Variants in IGFN1 observed in about 807,000 individuals in gnomAD.
IGFN1 encodes immunoglobulin-like and fibronectin type III domain-containing protein 1.
A neutral mutation model predicts 289.5 loss-of-function variants in IGFN1; 253 were observed. The observed-to-expected ratio is 0.87, with a 90% CI of 0.79 to 0.97. The LOEUF (loss-of-function observed/expected upper bound fraction) is 0.97, where lower values mean the gene tolerates loss of function less well. IGFN1 is among the 50% of genes least tolerant of loss of function. The pLI is 0.00. For synonymous variants in IGFN1, 1,706 were observed against 1,788.5 expected, an observed-to-expected ratio of 0.95 and a Z score of 1.16; for missense variants, 4,470 against 4,686.1, an observed-to-expected ratio of 0.95 and a Z score of 1.35.
intron 5 of IGFN1, among the ~76,000 whole-genome samples, chr1:201,198,784 G>A (rs1163537930): frequency 6.6e-6 from 1 of 152,188 alleles, no homozygotes; most frequent in Non-Finnish European, 1.5e-5. Flanking sequence ...GGAGCTCATT[G>A]GTCAGGACAG....
In IGFN1 at chr1:201,195,964, G is replaced by A. The variant is rs1456240035; in HGVS notation, c.253G>A (p.Glu85Lys). 2 of 1,551,860 alleles carry A rather than the reference G, an allele frequency of 1.3e-6. No homozygotes were observed. The highest frequency in any genetic ancestry group is 1.7e-6 in the Non-Finnish European group (2 of 1,147,048). Residue 85 changes from glutamate to lysine, a missense_variant, in exon 4 of 24, where the codon GAG (glutamate) becomes AAG (lysine). Physicochemically the swap from Glu to Lys is moderately conservative, Grantham distance 56. Coordinates refer to ENST00000335211, the MANE Select transcript of IGFN1 (RefSeq NM_001164586.2). ...GATCTCCTCCAGCCCTGGCAGCAAG[G>A]AGCACGTGCTGCAGGTAAGAACCGT... ...YKISSSPGSK[E>K]HVLQINKLTG...
chr1:201,227,090 G>T lies in IGFN1; in HGVS notation c.10995G>T (p.Leu3665=). ...EGNPAVYSTD[L]LGVCSLTIPS... ...ACCCCGCGGTGTACAGCACTGACCT[G>T]CTGGGCGTGTGCTCCCTCACCATCC... Residue 3665 remains leucine (L), a synonymous_variant, in exon 23 of 24, where the codon CTG becomes CTT. Transcript: ENST00000335211. The T allele has an allele frequency of 6.2e-7, 1 of 1,613,616 alleles. No individual in the cohort carries two copies. The highest frequency in any genetic ancestry group is 8.5e-7 in the Non-Finnish European group (1 of 1,180,034).
Position 201,212,001 on chromosome 1 carries a change from T to C in IGFN1, c.7108T>C (p.Ser2370Pro). 1.3e-6 allele frequency: 2 copies of C among 1,536,022 alleles called. No individual in the cohort carries two copies. Among genetic ancestry groups the C allele is most frequent in the Non-Finnish European group, 1.7e-6 (2 of 1,146,536 alleles). The change falls in exon 12 of 24, where the codon TCA becomes CCA. Residue 2370 changes from serine (S) to proline (P), a missense_variant. By Grantham distance (74) the Ser-to-Pro change is moderately conservative. Transcript: ENST00000335211. ...DGSGRLGVPG[S>P]LAGIGHEAGP... is the part of the protein sequence containing the mutation. The stretch of plus-strand genomic sequence containing the variant: ...TTCAGGGAGGCTTGGAGTACCAGGC[T>C]CACTGGCTGGAATAGGACATGAGGC...
Position 201,206,849 on chromosome 1 carries a change from A to T in IGFN1, c.1956A>T (p.Ile652=). 1 of 1,536,598 alleles carries T rather than the reference A, an allele frequency of 6.5e-7. No individual in the cohort carries two copies. The highest frequency in any genetic ancestry group is 2.4e-5 in the East Asian group (1 of 40,896). The change falls in exon 12 of 24, where the codon ATA becomes ATT. Residue 652 remains isoleucine, a synonymous_variant. Transcript: ENST00000335211. The part of the protein sequence containing the change: ...DAPSRERGRG[I]VVWGGGTGLG... ...CAAGTAGGGAAAGGGGGAGAGGAAT[A>T]GTAGTGTGGGGTGGTGGGACTGGCC...
rs1667063661 is a variant in IGFN1 at position 201,199,673 on chromosome 1, A to G, written c.458+19A>G. 1.9e-6 allele frequency: 3 copies of G among 1,550,426 alleles called. No homozygotes were observed. The highest frequency in any genetic ancestry group is 2.4e-5 in the South Asian group (2 of 83,962). On this transcript the variant is annotated intron_variant, in intron 7 of 23. Transcript: ENST00000335211. ...AAAAGAGGTGGGTTTGGGCCTGTCC[A>G]TGAGGGATTTTGGAGGCTCCCATAG...
At chr1:201,199,579 A>T in intron 6 of IGFN1, 30 bp from the exon 7 acceptor site, 1 of 1,547,744 alleles carries the variant, frequency 6.5e-7, no homozygotes, top group Non-Finnish European at 8.7e-7. Flanking sequence ...CCCACCTGGG[A>T]CTGAGGCCTC....
chr1:201,215,549 C>G lies in IGFN1; in HGVS notation c.9006C>G (p.Thr3002=). The change falls in exon 15 of 24, where the codon ACC becomes ACG. Residue 3002 remains threonine, a synonymous_variant. Transcript: ENST00000335211. ...TTGTTTTATTTCTAGATTCCCCTAC[C>G]ATTGCTCCAGATGTGACAGAGAAAC... ...EATLTVQDSP[T]IAPDVTEKLR... 6.4e-7 allele frequency: 1 copy of G among 1,572,670 alleles called. No homozygotes were observed. The highest frequency in any genetic ancestry group is 2.3e-5 in the East Asian group (1 of 44,398).
chr1:201,206,453 G>C lies in IGFN1; in HGVS notation c.1560G>C (p.Glu520Asp), dbSNP rs1231119440. 2 of 1,551,306 alleles carry C rather than the reference G, an allele frequency of 1.3e-6. No individual in the cohort carries two copies. The highest frequency in any genetic ancestry group is 1.7e-6 in the Non-Finnish European group (2 of 1,146,984). ...REGGWARSLA[E>D]RPHLQGESSE... ...GAGGCTGGGCCAGAAGCCTTGCAGA[G>C]AGGCCCCATCTACAGGGAGAGAGCT... Residue 520 changes from glutamate (E) to aspartate (D), a missense_variant, in exon 12 of 24, where the codon GAG becomes GAC. Glu to Asp is a conservative substitution (Grantham distance 45). Transcript: ENST00000335211.
intron 18 of IGFN1, among the ~76,000 whole-genome samples, chr1:201,220,969 G>C (rs1298522758): frequency 6.6e-6 from 1 of 152,150 alleles, no homozygotes; most frequent in Non-Finnish European, 1.5e-5. Flanking sequence ...ACCTCTGTGG[G>C]TAGGTGGGGC....
rs1242258104 is a variant in IGFN1 at position 201,208,386 on chromosome 1, G to C, written c.3493G>C (p.Gly1165Arg). The change falls in exon 12 of 24, where the codon GGG (glycine) becomes CGG (arginine). Residue 1165 changes from glycine to arginine, a missense_variant. Coordinates refer to ENST00000335211, the MANE Select transcript of IGFN1 (RefSeq NM_001164586.2). ...GAGGGCAGGAAGCAAAGTGGGTGAG[G>C]GGGATGGGACAAGATGCCCTGGTGC... ...SLRAGSKVGE[G>R]DGTRCPGAKA... 2 of 1,456,832 alleles carry C rather than the reference G, an allele frequency of 1.4e-6. No homozygotes were observed. The highest frequency in any genetic ancestry group is 5.5e-5 in the Admixed American group (2 of 36,230). The allele number at this position is 1,456,832 out of a possible 1,614,324, so 90.2% of individuals were successfully genotyped here.
At position 201,200,301 on chromosome 1, in the gene IGFN1, G is replaced by C. The variant is rs766611997; in HGVS notation, c.523G>C (p.Asp175His). 5.8e-6 allele frequency: 9 copies of C among 1,551,722 alleles called. No homozygotes were observed. The highest frequency in any genetic ancestry group is 7.8e-6 in the Non-Finnish European group (9 of 1,146,984). ...EQIWQLLMTA[D>H]RKDYEKICLK... The stretch of plus-strand genomic sequence containing the variant: ...GATATGGCAGCTGCTGATGACAGCA[G>C]ACAGGAAGGACTACGAGAAGATCTG... Residue 175 changes from aspartate (D) to histidine (H), a missense_variant, in exon 8 of 24, where the codon GAC becomes CAC. Transcript: ENST00000335211.
At chr1:201,215,863 T>C (rs1161663983) in intron 15 of IGFN1, 25 bp downstream of exon 15, 1 of 1,603,456 alleles carries the variant, frequency 6.2e-7, no homozygotes. Context: ...TTCCCCCAAC[T>C]AAGGCCTGAG....
intron 21 of IGFN1, 150 bp from the exon 22 acceptor site, chr1:201,225,674 G>A: frequency 1.6e-6 from 1 of 613,216 alleles, no homozygotes; most frequent in South Asian, 2.0e-5. Flanking sequence ...GATAACTGTG[G>A]ACCGCTGGCC....
At chr1:201,198,278 C>T (rs553271961) in intron 5 of IGFN1, among the ~76,000 whole-genome samples, 4 of 152,142 alleles carry the variant, frequency 2.6e-5, no homozygotes, top group East Asian at 1.9e-4. Context: ...TGGGATTACA[C>T]GCGTTTACCA....
intron 23 of IGFN1, among the ~76,000 whole-genome samples, 156 bp from the exon 24 acceptor site, chr1:201,228,230 G>C (rs3753972): frequency 0.27 from 40,448 of 152,206 alleles, 6,583 homozygotes; most frequent in Non-Finnish European, 0.35. Flanking sequence ...CTTTGCCCAA[G>C]CTTAGAGAGC....
chr1:201,206,250 G>C lies in IGFN1; in HGVS notation c.1357G>C (p.Gly453Arg). Residue 453 changes from glycine (G) to arginine (R), a missense_variant, in exon 12 of 24, where the codon GGG (glycine) becomes CGG (arginine). Around this residue, in one of 8 missense-constraint regions of IGFN1, gnomAD observed 2,011 missense variants for 1,953.4 expected, o/e 1.03. Transcript: ENST00000335211. ...CCTTGAAGGGGCTGGGCCGGCTTCT[G>C]GGCTCCAGCACATAGCCAGCCCAGA... is the stretch of plus-strand genomic sequence containing the variant. ...GSLEGAGPAS[G>R]LQHIASPDRD... The C allele has an allele frequency of 6.5e-7, 1 of 1,547,334 alleles. No homozygotes were observed. Among genetic ancestry groups the C allele is most frequent in the Non-Finnish European group, 8.7e-7 (1 of 1,145,482 alleles).
At position 201,210,399 on chromosome 1, in the gene IGFN1, T is replaced by C; in HGVS notation, c.5506T>C (p.Phe1836Leu). 1 of 1,338,992 alleles carries C rather than the reference T, an allele frequency of 7.5e-7. No individual in the cohort carries two copies. Among genetic ancestry groups the C allele is most frequent in the African/African-American group, 2.1e-5 (1 of 48,244 alleles). The allele number at this position is 1,338,992 out of a possible 1,614,324, so 82.9% of individuals were successfully genotyped here. The stretch of plus-strand genomic sequence containing the variant: ...AATGGGTTCAGGGAGTAAGGCAGGT[T>C]TCAGGGATGGTTTAGGGGGTTCTGG... Reference protein sequence around the residue: ...EGMGSGSKAGFRDGLGGSGEM... With the variant: ...EGMGSGSKAGLRDGLGGSGEM... Residue 1836 changes from phenylalanine to leucine, a missense_variant, in exon 12 of 24, where the codon TTC becomes CTC. Phe to Leu is a conservative substitution (Grantham distance 22). Transcript: ENST00000335211.
In IGFN1 at chr1:201,221,453, G is replaced by A; in HGVS notation, c.9908G>A (p.Gly3303Glu). Residue 3303 changes from glycine to glutamate, a missense_variant, in exon 19 of 24, where the codon GGG (glycine) becomes GAG (glutamate). Gly to Glu is a moderately conservative substitution (Grantham distance 98, BLOSUM62 -2). Around this residue, in one of 8 missense-constraint regions of IGFN1, gnomAD observed 2,218 missense variants for 2,114.1 expected, o/e 1.05. Coordinates refer to ENST00000335211, the MANE Select transcript of IGFN1 (RefSeq NM_001164586.2). ...CCATGGTGCCTGGCAGGACCCCCTG[G>A]GCTGGTGAGGAATCTCCAAGTCACA... is the stretch of plus-strand genomic sequence containing the variant. ...VFARDPMRPP[G>E]LVRNLQVTDR... 1 of 1,583,618 alleles carries A rather than the reference G, an allele frequency of 6.3e-7. No individual in the cohort carries two copies. The highest frequency in any genetic ancestry group is 2.3e-5 in the East Asian group (1 of 44,344).
In IGFN1 at chr1:201,206,136, C is replaced by A. The variant is rs1470159948; in HGVS notation, c.1243C>A (p.Gln415Lys). Reference protein sequence around the residue: ...STSADHKLQRQGAQASGAEES... With the variant: ...STSADHKLQRKGAQASGAEES... The stretch of plus-strand genomic sequence containing the variant: ...AAGTGCTGACCACAAACTGCAGAGG[C>A]AAGGAGCCCAGGCATCAGGAGCAGA... The change falls in exon 12 of 24, where the codon CAA (glutamine) becomes AAA (lysine). Residue 415 changes from glutamine to lysine, a missense_variant. Physicochemically the swap from Gln to Lys is moderately conservative, Grantham distance 53. This residue lies in a region of IGFN1 where 2,011 missense variants were observed against 1,953.4 expected (regional missense o/e 1.03). Transcript: ENST00000335211. 4 of 1,550,916 alleles carry A rather than the reference C, an allele frequency of 2.6e-6. No individual in the cohort carries two copies. The highest frequency in any genetic ancestry group is 3.5e-6 in the Non-Finnish European group (4 of 1,146,944).
Sources: allele counts gnomAD v4.1 joint callset (sites outside exome capture counted in the v4.1 genomes callset), GRCh38; gene constraint gnomAD v4.1.1; regional missense constraint gnomAD v4.1.1; transcripts MANE v1.5; gene names NCBI Gene and HGNC (gene_info 2026-07-23, HGNC 2026-07-21).